TMEM131L: variants seen among roughly 807,000 people sequenced by gnomAD.
TMEM131L encodes transmembrane protein 131-like.
In TMEM131L, 54 loss-of-function variants were observed where a neutral mutation model predicts 192.2. The ratio of observed to expected loss-of-function variants is 0.28; its 90% CI spans 0.23 to 0.35. The LOEUF is 0.35. TMEM131L is among the 10% of genes least tolerant of loss of function. The probability of loss-of-function intolerance (pLI) is 1.00; values close to 1 mark genes in which losing one functional copy is unlikely to be tolerated. For missense variants in TMEM131L, 1,888 were observed against 1,972.9 expected, an observed-to-expected ratio of 0.96 and a Z score of 0.82; for synonymous variants, 701 against 704.9, an observed-to-expected ratio of 0.99 and a Z score of 0.09.
chr4:153,530,644 A>C (rs1254056844), intron 3 of TMEM131L, among the ~76,000 whole-genome samples: 1 of 152,172 alleles, frequency 6.6e-6, no homozygotes, highest in Non-Finnish European at 1.5e-5. Flanking sequence ...CATTTCACTC[A>C]TGCAAGTTCG....
intron 3 of TMEM131L, among the ~76,000 whole-genome samples, chr4:153,504,900 C>A (rs1400589200): frequency 6.6e-6 from 1 of 152,126 alleles, no homozygotes; most frequent in East Asian, 1.9e-4. Flanking sequence ...TCAGAGTGAC[C>A]AGCCTTGCTG....
At chr4:153,500,747 C>T (rs751419660) in intron 3 of TMEM131L, among the ~76,000 whole-genome samples, 3 of 152,098 alleles carry the variant, frequency 2.0e-5, no homozygotes, top group Non-Finnish European at 2.9e-5. Flanking sequence ...TAAGCTTTAT[C>T]TGGATGATTT....
At position 153,612,142 on chromosome 4, in the gene TMEM131L, A is replaced by G. The variant is rs1038852580; in HGVS notation, c.3419-110A>G. On this transcript the variant is annotated intron_variant, in intron 25 of 34. Transcript: ENST00000409959. ...TCATGGATGTTAAAAACAATGCTAA[A>G]TTTAATTTAACTCTCATGAAGTCAA... The G allele has an allele frequency of 1.6e-5, 12 of 732,096 alleles. 1 individual carries two copies. The highest frequency in any genetic ancestry group is 2.5e-5 in the Non-Finnish European group (12 of 477,086). The allele number at this position is 732,096 out of a possible 1,614,324, so 45.4% of individuals were successfully genotyped here. A position where few individuals can be genotyped will look rare whatever the true frequency, so the allele number is the denominator to read the frequency against.
intron 24 of TMEM131L, 101 bp from the exon 25 acceptor site, chr4:153,603,701 C>G (rs2126386152): frequency 7.6e-7 from 1 of 1,308,986 alleles, no homozygotes; most frequent in Non-Finnish European, 1.0e-6. Flanking sequence ...AAAACTTACA[C>G]TCAGTACTGA....
At chr4:153,567,967 T>C (rs1729335283) in intron 7 of TMEM131L, among the ~76,000 whole-genome samples, 1 of 152,220 alleles carries the variant, frequency 6.6e-6, no homozygotes, top group African/African-American at 2.4e-5. Context: ...CTTTGAGTGA[T>C]AAAAGTTGTT....
chr4:153,494,350 C>T (rs1468030344), intron 3 of TMEM131L, among the ~76,000 whole-genome samples: 1 of 152,126 alleles, frequency 6.6e-6, no homozygotes, highest in Non-Finnish European at 1.5e-5. Flanking sequence ...AACTTAATGT[C>T]CAATAGTACA....
chr4:153,546,937 A>G (rs1277380665), intron 3 of TMEM131L, among the ~76,000 whole-genome samples: 2 of 152,232 alleles, frequency 1.3e-5, no homozygotes, highest in African/African-American at 4.8e-5. Flanking sequence ...CAAAAAAACA[A>G]ACAAACAAAT....
chr4:153,532,963 G>A (rs934169767), intron 3 of TMEM131L, among the ~76,000 whole-genome samples: 2 of 151,070 alleles, frequency 1.3e-5, no homozygotes, highest in East Asian at 3.9e-4. Context: ...TGGATTTAGG[G>A]ATTCTCTCTC....
At chr4:153,628,250 A>G (rs1481735491) in intron 31 of TMEM131L, among the ~76,000 whole-genome samples, 1 of 152,220 alleles carries the variant, frequency 6.6e-6, no homozygotes, top group Non-Finnish European at 1.5e-5. Flanking sequence ...GCCTAGGTGC[A>G]TGGAAGTAGG....
Position 153,500,630 on chromosome 4 carries a change from G to A in TMEM131L, c.239+26742G>A, listed in dbSNP as rs190624583. Reference sequence around the variant, plus strand: ...AACACAAACAAAAACCTTTGGGTCCGTCATCTTCTTTTTATTTTAATGGGA... The same window carrying A: ...AACACAAACAAAAACCTTTGGGTCCATCATCTTCTTTTTATTTTAATGGGA... On this transcript the variant is annotated intron_variant, in intron 3 of 34. Coordinates refer to ENST00000409959, the MANE Select transcript of TMEM131L (RefSeq NM_001131007.2). 7.1e-4 allele frequency among the ~76,000 whole-genome samples: 108 copies of A among 152,244 alleles called. 1 individual carries two copies. Among genetic ancestry groups the A allele is most frequent in the African/African-American group, 2.3e-3 (94 of 41,536 alleles).
At chr4:153,533,050 G>A (rs1009369039) in intron 3 of TMEM131L, among the ~76,000 whole-genome samples, 4 of 149,816 alleles carry the variant, frequency 2.7e-5, no homozygotes, top group African/African-American at 7.4e-5. Context: ...CAGTGTTGGC[G>A]ATCTTGGCTC....
intron 7 of TMEM131L, among the ~76,000 whole-genome samples, chr4:153,563,811 C>T (rs1181520470): frequency 1.3e-5 from 2 of 152,050 alleles, no homozygotes; most frequent in African/African-American, 4.8e-5. Context: ...ACACGAACCA[C>T]GTGTGGTATT....
rs1239370526 is a variant in TMEM131L, at chr4:153,626,240, T to G, written c.4124+15T>G. Reference sequence around the variant, plus strand: ...TGCAATCCCATGTAAGTTTTTTATTTTCCAGCTTTTACAGTATGTTTTGTG... The same window carrying G: ...TGCAATCCCATGTAAGTTTTTTATTGTCCAGCTTTTACAGTATGTTTTGTG... On this transcript the variant is annotated intron_variant, in intron 30 of 34. Coordinates refer to ENST00000409959, the MANE Select transcript of TMEM131L (RefSeq NM_001131007.2). 1 of 1,530,364 alleles carries G rather than the reference T, an allele frequency of 6.5e-7. No individual in the cohort carries two copies. Among genetic ancestry groups the G allele is most frequent in the Non-Finnish European group, 9.0e-7 (1 of 1,105,204 alleles). The allele number at this position is 1,530,364 out of a possible 1,614,324, so 94.8% of individuals were successfully genotyped here.
chr4:153,536,904 G>A (rs1215506195), intron 3 of TMEM131L, among the ~76,000 whole-genome samples: 2 of 152,154 alleles, frequency 1.3e-5, no homozygotes, highest in African/African-American at 4.8e-5. Context: ...CATCCAGCAC[G>A]GGAGAAAGCA....
chr4:153,595,411 G>T lies in TMEM131L; in HGVS notation c.1996-847G>T, dbSNP rs10213086. Among the ~76,000 whole-genome samples the T allele has an allele frequency of 1.4e-3, 206 of 151,978 alleles. 1 individual carries two copies. The Middle Eastern group carries it at 0.021, about 15-fold the overall frequency. ...TATTCATATTACCTGCGTAAAGCAG[G>T]GTTTCTTCCTTCATGGAGTTTATAA... On this transcript the variant is annotated intron_variant, in intron 19 of 34. Transcript: ENST00000409959.
At chr4:153,584,426 C>T (rs1032204543) in intron 11 of TMEM131L, among the ~76,000 whole-genome samples, 4 of 152,176 alleles carry the variant, frequency 2.6e-5, no homozygotes, top group African/African-American at 4.8e-5. Context: ...ACACAAGCGA[C>T]TCAATATTAT....
At chr4:153,506,250 T>C (rs1453902781) in intron 3 of TMEM131L, among the ~76,000 whole-genome samples, 2 of 152,058 alleles carry the variant, frequency 1.3e-5, no homozygotes, top group East Asian at 3.9e-4. Context: ...AGAGAAAAAA[T>C]TTCTCAAGGA....
chr4:153,539,805 C>CT (rs907575157), intron 3 of TMEM131L, among the ~76,000 whole-genome samples: 7 of 126,078 alleles, frequency 5.6e-5, no homozygotes, highest in African/African-American at 2.8e-4. Flanking sequence ...CATATTGGGA[C>CT]TTTAAAAAAA....
In TMEM131L at chr4:153,634,291, T is replaced by C. The variant is rs1214142999; in HGVS notation, c.4417+11T>C. 1.3e-6 allele frequency: 2 copies of C among 1,589,886 alleles called. No homozygotes were observed. The highest frequency in any genetic ancestry group is 2.2e-5 in the South Asian group (2 of 90,580). ...ATGCCTTTCCAGAAGGTAAGGGCTCTTCAGACAATCCCAACGCCATTATTT... is the reference window on the plus strand; with the variant it reads ...ATGCCTTTCCAGAAGGTAAGGGCTCCTCAGACAATCCCAACGCCATTATTT... On this transcript the variant is annotated intron_variant, in intron 33 of 34. Coordinates refer to ENST00000409959, the MANE Select transcript of TMEM131L (RefSeq NM_001131007.2).
Sources: allele counts gnomAD v4.1 joint callset (sites outside exome capture counted in the v4.1 genomes callset), GRCh38; gene constraint gnomAD v4.1.1; transcripts MANE v1.5; gene names NCBI Gene and HGNC (gene_info 2026-07-23, HGNC 2026-07-21).